The following LACTB variants were observed in gnomAD, a reference collection of about 807,000 sequenced individuals.
LACTB encodes serine beta-lactamase-like protein LACTB, mitochondrial.
A neutral mutation model predicts 50.2 loss-of-function variants in LACTB; 35 were observed. That is an observed-to-expected ratio of 0.70 (90% confidence interval 0.53 to 0.92). The LOEUF (loss-of-function observed/expected upper bound fraction) is 0.92. LACTB is among the 40% of genes least tolerant of loss of function. The probability of loss-of-function intolerance (pLI) is 0.00; values close to 1 mark genes in which losing one functional copy is unlikely to be tolerated. For missense variants in LACTB, 664 were observed against 691.8 expected, an observed-to-expected ratio of 0.96 and a Z score of 0.45; for synonymous variants, 252 against 268.2, an observed-to-expected ratio of 0.94 and a Z score of 0.59.
At chr15:63,138,939 C>T (rs1367264719) in intron 5 of LACTB, among the ~76,000 whole-genome samples, 1 of 149,658 alleles carries the variant, frequency 6.7e-6, no homozygotes, top group Non-Finnish European at 1.5e-5. Flanking sequence ...CCCAGCTACT[C>T]AGGAGGCTGA....
At chr15:63,138,770 TG>T (rs1407693985) in intron 5 of LACTB, among the ~76,000 whole-genome samples, 10 of 152,156 alleles carry the variant, frequency 6.6e-5, no homozygotes, top group African/African-American at 2.4e-4. Flanking sequence ...CTGGGCGCAG[TG>T]GCTTACACCT....
intron 2 of LACTB, among the ~76,000 whole-genome samples, chr15:63,123,963 G>A (rs1207551066): frequency 3.9e-5 from 6 of 152,192 alleles, no homozygotes; most frequent in Non-Finnish European, 8.8e-5. Flanking sequence ...ACAAGAGGTG[G>A]AGGAGCAGAG....
At chr15:63,129,747 A>C (rs944760416) in intron 5 of LACTB, 97 bp downstream of exon 5, 398 of 1,326,868 alleles carry the variant, frequency 3.0e-4, no homozygotes, top group Admixed American at 1.8e-3. Context: ...TCCAAAATCA[A>C]CCTGCCACAT....
intron 4 of LACTB, among the ~76,000 whole-genome samples, chr15:63,128,661 A>C (rs1024831657): frequency 6.6e-6 from 1 of 152,226 alleles, no homozygotes; most frequent in African/African-American, 2.4e-5. Flanking sequence ...TATTTGAAAT[A>C]CTATGTATAT....
At chr15:63,137,220 C>T (rs1297115536) in intron 5 of LACTB, among the ~76,000 whole-genome samples, 1 of 152,162 alleles carries the variant, frequency 6.6e-6, no homozygotes, top group Non-Finnish European at 1.5e-5. Context: ...TCTGTATAGG[C>T]AAGTACACTA....
At chr15:63,140,933 A>C in intron 5 of LACTB, 1 of 831,076 alleles carries the variant, frequency 1.2e-6, no homozygotes, top group Non-Finnish European at 1.5e-6. Context: ...TATCTACCAA[A>C]TGATAACTTT....
intron 5 of LACTB, 181 bp from the exon 6 acceptor site, chr15:63,141,099 T>C (rs2037223807): frequency 1.0e-6 from 1 of 983,634 alleles, no homozygotes; most frequent in South Asian, 4.7e-5. Flanking sequence ...CTATCTTACT[T>C]AGTTATCTGT....
At chr15:63,135,559 A>G (rs895237468) in intron 5 of LACTB, among the ~76,000 whole-genome samples, 1 of 152,138 alleles carries the variant, frequency 6.6e-6, no homozygotes, top group African/African-American at 2.4e-5. Flanking sequence ...CTGTCAGACA[A>G]TACAAAAAAA....
rs2037057877 is a variant in LACTB, at chr15:63,126,742, A to C, written c.425-117A>C. ...AGTGTTAAGTAACTTATAAAAGTGG[A>C]GTATCTTTTCTTTTAGATAAACACA... On this transcript the variant is annotated intron_variant, in intron 2 of 5. Coordinates refer to ENST00000261893, the MANE Select transcript of LACTB (RefSeq NM_032857.5). The C allele has an allele frequency of 5.8e-6, 3 of 517,686 alleles. No homozygotes were observed. The South Asian group carries it at 1.5e-4, about 27-fold the overall frequency. The allele number at this position is 517,686 out of a possible 1,614,324, so 32.1% of individuals were successfully genotyped here.
chr15:63,138,570 T>C (rs2037196102), intron 5 of LACTB, among the ~76,000 whole-genome samples: 1 of 152,222 alleles, frequency 6.6e-6, no homozygotes. Flanking sequence ...TTCATAAAAA[T>C]GTACTAATTT....
At position 63,126,902 on chromosome 15, in the gene LACTB, A is replaced by G; in HGVS notation, c.468A>G (p.Pro156=). The G allele has an allele frequency of 6.2e-7, 1 of 1,612,836 alleles. No individual in the cohort carries two copies. The highest frequency in any genetic ancestry group is 8.5e-7 in the Non-Finnish European group (1 of 1,179,296). Residue 156 remains proline, a synonymous_variant, in exon 3 of 6, where the codon CCA becomes CCG. Coordinates refer to ENST00000261893, the MANE Select transcript of LACTB (RefSeq NM_032857.5). ...ADVENRVPCK[P]ETVMRIASIS... is the part of the protein sequence containing the mutation. The stretch of plus-strand genomic sequence containing the variant: ...TTGAGAACCGTGTACCATGTAAACC[A>G]GAGACAGTTATGCGAATTGCTAGCA...
chr15:63,132,128 G>A (rs1300583249), intron 5 of LACTB, among the ~76,000 whole-genome samples: 1 of 152,032 alleles, frequency 6.6e-6, no homozygotes, highest in Non-Finnish European at 1.5e-5. Context: ...GCTGAGGTTT[G>A]GACTTAAATT....
At chr15:63,131,982 G>A (rs931295683) in intron 5 of LACTB, among the ~76,000 whole-genome samples, 2 of 151,978 alleles carry the variant, frequency 1.3e-5, no homozygotes, top group Non-Finnish European at 1.5e-5. Flanking sequence ...TGATGATTAT[G>A]TAACATAGTT....
At chr15:63,134,543 A>G (rs2037158799) in intron 5 of LACTB, among the ~76,000 whole-genome samples, 1 of 152,122 alleles carries the variant, frequency 6.6e-6, no homozygotes, top group Non-Finnish European at 1.5e-5. Context: ...AAGGGTATGG[A>G]GCATGTACTC....
rs761260684 is a variant in LACTB at position 63,122,028 on chromosome 15, G to T, written c.157G>T (p.Gly53Trp). 5.0e-6 allele frequency: 7 copies of T among 1,404,256 alleles called. No individual in the cohort carries two copies. Among genetic ancestry groups the T allele is most frequent in the Non-Finnish European group, 6.4e-6 (7 of 1,088,110 alleles). 87.0% of individuals were successfully genotyped at this position (1,404,256 alleles called of 1,614,324 possible). A position where few individuals can be genotyped will look rare whatever the true frequency, so the allele number is the denominator to read the frequency against. ...GLGLGLGLAL[G>W]VKLAGGLRGA... The stretch of plus-strand genomic sequence containing the variant: ...CGGGCTGGGGCTGGGGCTGGCGCTC[G>T]GGGTGAAGCTGGCAGGTGGGCTGAG... The change falls in exon 1 of 6, where the codon GGG becomes TGG. Residue 53 changes from glycine (G) to tryptophan (W), a missense_variant. Physicochemically the swap from Gly to Trp is radical, Grantham distance 184 (BLOSUM62 -2). Transcript: ENST00000261893.
chr15:63,125,357 G>T (rs568059036), intron 2 of LACTB, among the ~76,000 whole-genome samples: 1 of 151,618 alleles, frequency 6.6e-6, no homozygotes, highest in East Asian at 2.0e-4. Context: ...AAGTAGAGAC[G>T]GGGATTCTCC....
intron 2 of LACTB, among the ~76,000 whole-genome samples, chr15:63,124,412 G>T (rs1456908924): frequency 6.6e-6 from 1 of 152,020 alleles, no homozygotes; most frequent in Non-Finnish European, 1.5e-5. Context: ...TTGCCTCAGC[G>T]CCTGGGTGGC....
intron 5 of LACTB, among the ~76,000 whole-genome samples, chr15:63,134,046 T>C (rs1464177713): frequency 6.6e-6 from 1 of 152,210 alleles, no homozygotes; most frequent in East Asian, 1.9e-4. Context: ...AGTTGAGTTA[T>C]ATCTTGATTA....
intron 5 of LACTB, among the ~76,000 whole-genome samples, chr15:63,138,600 TAA>T (rs1036832605): frequency 4.6e-5 from 7 of 152,230 alleles, no homozygotes; most frequent in African/African-American, 1.4e-4. Flanking sequence ...GAAAAGGAAC[TAA>T]GAGATTAAAA....
Sources: allele counts gnomAD v4.1 joint callset (sites outside exome capture counted in the v4.1 genomes callset), GRCh38; gene constraint gnomAD v4.1.1; transcripts MANE v1.5; gene names NCBI Gene and HGNC (gene_info 2026-07-23, HGNC 2026-07-21).